Variants in DOCK9 observed in about 807,000 individuals in gnomAD.
The protein encoded by DOCK9 is dedicator of cytokinesis protein 9.
In DOCK9, 89 loss-of-function variants were observed where a neutral mutation model predicts 263.3. That is an observed-to-expected ratio of 0.34 (90% CI 0.28 to 0.40). The LOEUF is 0.40. Ranked by LOEUF, DOCK9 falls within the 10% of genes least tolerant of loss-of-function variation. The pLI is 1.00. For synonymous variants in DOCK9, 976 were observed against 973.1 expected (o/e 1.00, Z -0.06); for missense variants, 2,140 against 2,603.4 (o/e 0.82, Z 3.87).
intron 1 of DOCK9, among the ~76,000 whole-genome samples, chr13:99,054,585 G>A (rs1444309665): frequency 6.6e-6 from 1 of 152,216 alleles, no homozygotes; most frequent in Non-Finnish European, 1.5e-5. Flanking sequence ...TTGAGGGCAA[G>A]CAAGAGGGAA....
intron 2 of DOCK9, among the ~76,000 whole-genome samples, chr13:98,936,663 C>T (rs2054898120): frequency 6.6e-6 from 1 of 150,812 alleles, no homozygotes; most frequent in African/African-American, 2.4e-5. Context: ...ATGAATAAAG[C>T]AGTCAATGGA....
intron 1 of DOCK9, among the ~76,000 whole-genome samples, chr13:99,037,558 T>G (rs1241250710): frequency 1.3e-5 from 2 of 152,220 alleles, no homozygotes; most frequent in Non-Finnish European, 2.9e-5. Context: ...CTTGCAGTTT[T>G]GTAAAAAGTA....
At chr13:99,073,383 C>G (rs1344432795) in intron 1 of DOCK9, among the ~76,000 whole-genome samples, 2 of 151,646 alleles carry the variant, frequency 1.3e-5, no homozygotes, top group Non-Finnish European at 2.9e-5. Context: ...CTCTCTCTCT[C>G]TCCTCTCTCT....
chr13:99,027,865 C>A (rs545798256), intron 1 of DOCK9, among the ~76,000 whole-genome samples: 1 of 152,324 alleles, frequency 6.6e-6, no homozygotes, highest in African/African-American at 2.4e-5. Flanking sequence ...ATTCACCAGT[C>A]TCACTACATA....
At position 98,837,559 on chromosome 13, in the gene DOCK9, T is replaced by C. The variant is rs1356527791; in HGVS notation, c.4249A>G (p.Asn1417Asp). The stretch of plus-strand genomic sequence containing the variant: ...GTCAGGCAAACCTCAGTAGCAATGT[T>C]GGCTTCAAGTAATGACTGGTGCAGA... ...DVLHQSLLEA[N>D]IATEVCLTAL... Residue 1417 changes from asparagine to aspartate, a missense_variant, in exon 39 of 53, where the codon AAC (asparagine) becomes GAC (aspartate). Physicochemically the swap from Asn to Asp is conservative, Grantham distance 23. Coordinates refer to ENST00000682017, the MANE Select transcript of DOCK9 (RefSeq NM_001366683.2). The C allele has an allele frequency of 6.2e-7, 1 of 1,613,746 alleles. No individual in the cohort carries two copies. The highest frequency in any genetic ancestry group is 8.5e-7 in the Non-Finnish European group (1 of 1,179,760).
intron 1 of DOCK9, among the ~76,000 whole-genome samples, chr13:99,022,979 G>A (rs903635150): frequency 1.3e-5 from 2 of 152,138 alleles, no homozygotes; most frequent in Non-Finnish European, 2.9e-5. Context: ...CTTCAAAAGG[G>A]AGAAACATTT....
chr13:98,813,732 C>A (rs1425663033), intron 45 of DOCK9, among the ~76,000 whole-genome samples: 1 of 152,064 alleles, frequency 6.6e-6, no homozygotes, highest in Non-Finnish European at 1.5e-5. Flanking sequence ...CTCTGCCTCC[C>A]GGGTTCAAGC....
chr13:98,955,226 G>A (rs2057903510), intron 2 of DOCK9, among the ~76,000 whole-genome samples: 1 of 152,114 alleles, frequency 6.6e-6, no homozygotes, highest in Non-Finnish European at 1.5e-5. Flanking sequence ...GCTGAGGCAG[G>A]AGAAATGCTT....
chr13:98,862,941 C>T, intron 32 of DOCK9, 78 bp downstream of exon 32: 2 of 1,269,960 alleles, frequency 1.6e-6, no homozygotes, highest in Non-Finnish European at 2.2e-6. Context: ...CTGCTCTAAG[C>T]CACCCAGCTT....
Position 98,837,360 on chromosome 13 carries a change from A to G in DOCK9, c.4314+134T>C. On this transcript the variant is annotated intron_variant, in intron 39 of 52. Coordinates refer to ENST00000682017, the MANE Select transcript of DOCK9 (RefSeq NM_001366683.2). ...TTTCATTAAAGGAATTTAAAGATTA[A>G]TGGTTTCCTTACAGGGACAAAAATA... is the stretch of plus-strand genomic sequence containing the variant. 1.3e-5 allele frequency: 8 copies of G among 617,884 alleles called. No individual in the cohort carries two copies. The South Asian group carries it at 1.5e-4, about 12-fold the overall frequency. The allele number at this position is 617,884 out of a possible 1,614,324, so 38.3% of individuals were successfully genotyped here. A position where few individuals can be genotyped will look rare whatever the true frequency, so the allele number is the denominator to read the frequency against.
intron 27 of DOCK9, among the ~76,000 whole-genome samples, chr13:98,877,778 T>C (rs2044103468): frequency 6.6e-6 from 1 of 152,178 alleles, no homozygotes. Flanking sequence ...CTGTGATGCA[T>C]TGAACTTTGT....
Position 98,951,903 on chromosome 13 carries a change from C to CTTTTT in DOCK9, c.243+3527_243+3531dup, listed in dbSNP as rs71114563. 3.7e-5 allele frequency among the ~76,000 whole-genome samples: 5 copies of CTTTTT among 134,914 alleles called. 1 individual carries two copies. The highest frequency in any genetic ancestry group is 2.3e-4 in the East Asian group (1 of 4,288). 88.5% of individuals were successfully genotyped at this position (134,914 alleles called of 152,430 possible). On this transcript the variant is annotated intron_variant, in intron 2 of 52. Coordinates refer to ENST00000682017, the MANE Select transcript of DOCK9 (RefSeq NM_001366683.2). ...ATGTACTTTACTTCATTAATATTCC[C>CTTTTT]TTTTTTTTTTTGAGATGGAGTTTTC...
chr13:98,951,903 C>CTTTTTTTTTTTTTTTTTTTTTTT (rs71114563), intron 2 of DOCK9, among the ~76,000 whole-genome samples: 7 of 134,910 alleles, frequency 5.2e-5, no homozygotes, highest in East Asian at 2.3e-4. Flanking sequence ...TTAATATTCC[C>CTTTTTTTTTTTTTTTTTTTTTTT]TTTTTTTTTT....
chr13:99,085,188 G>T lies in DOCK9; in HGVS notation c.129+1035C>A, dbSNP rs936458583. Among the ~76,000 whole-genome samples, 14 of 152,198 alleles carry T rather than the reference G, an allele frequency of 9.2e-5. No homozygotes were observed. In the East Asian group the frequency reaches 2.7e-3, roughly 29 times the overall value. On this transcript the variant is annotated intron_variant, in intron 1 of 32. Transcript: ENST00000427887. ...AATGATGCATCCGCCCCTGTGTTAA[G>T]GGGCCCGGCACTCTGCCCCGACAAT...
intron 1 of DOCK9, among the ~76,000 whole-genome samples, chr13:99,029,186 C>T (rs557459632): frequency 4.5e-4 from 68 of 152,302 alleles, no homozygotes; most frequent in African/African-American, 1.6e-3. Context: ...CTTACAGAAC[C>T]AGCCTTGTTA....
intron 35 of DOCK9, among the ~76,000 whole-genome samples, chr13:98,851,636 A>G (rs1481395591): frequency 6.6e-6 from 1 of 152,252 alleles, no homozygotes; most frequent in Non-Finnish European, 1.5e-5. Flanking sequence ...GGGGCCCAGC[A>G]TGTAGAAGGT....
At chr13:99,029,617 A>G (rs1887121119) in intron 1 of DOCK9, among the ~76,000 whole-genome samples, 1 of 152,236 alleles carries the variant, frequency 6.6e-6, no homozygotes, top group South Asian at 2.1e-4. Flanking sequence ...TGCAAATTAA[A>G]ACTACAAGGA....
chr13:99,022,556 G>A (rs759776322), intron 1 of DOCK9, among the ~76,000 whole-genome samples: 1 of 152,212 alleles, frequency 6.6e-6, no homozygotes, highest in African/African-American at 2.4e-5. Context: ...AGCGTCCAGG[G>A]AGGGACGGTG....
intron 30 of DOCK9, among the ~76,000 whole-genome samples, chr13:98,866,591 C>T (rs191022392): frequency 6.6e-6 from 1 of 152,276 alleles, no homozygotes; most frequent in Admixed American, 6.5e-5. Context: ...CTAATTTGTT[C>T]AATTTGATTT....
Sources: gnomAD v4.1 joint callset for allele counts (sites outside exome capture counted in the v4.1 genomes callset) on GRCh38, gnomAD v4.1.1 for gene constraint, MANE v1.5 for transcripts, NCBI Gene and HGNC (gene_info 2026-07-23, HGNC 2026-07-21) for gene names.